The following FMN1 variants were observed in gnomAD, a reference collection of about 807,000 sequenced individuals.
FMN1 encodes formin-1.
Under a neutral mutation model 132.4 loss-of-function variants are expected in FMN1, and 110 were observed. That is an observed-to-expected ratio of 0.83 (90% CI 0.71 to 0.97). The LOEUF is 0.97. Among genes scored for constraint, FMN1 ranks in the 50% least tolerant of loss-of-function variants. The probability of loss-of-function intolerance (pLI) is 0.00; values close to 1 mark genes in which losing one functional copy is unlikely to be tolerated. For synonymous variants in FMN1, 722 were observed against 651.7 expected, an observed-to-expected ratio of 1.11 and a Z score of -1.64; for missense variants, 1,792 against 1,705.3, an observed-to-expected ratio of 1.05 and a Z score of -0.90.
chr15:33,127,007 T>G (rs536371131), intron 4 of FMN1, among the ~76,000 whole-genome samples: 1 of 152,306 alleles, frequency 6.6e-6, no homozygotes, highest in South Asian at 2.1e-4. Flanking sequence ...TGACTACATG[T>G]GGGAGTTTGA....
chr15:32,856,994 G>A, intron 17 of FMN1, 21 bp downstream of exon 17: 1 of 1,551,862 alleles, frequency 6.4e-7, no homozygotes, highest in African/African-American at 1.4e-5. Flanking sequence ...ACGTGTATGT[G>A]CGGCTGACAA....
chr15:33,116,587 T>A (rs182999233), intron 4 of FMN1, among the ~76,000 whole-genome samples: 2,435 of 152,274 alleles, frequency 0.016, 36 homozygotes, highest in Non-Finnish European at 0.025. Flanking sequence ...GTTTTTTTTT[T>A]AATTTTTTAA....
intron 4 of FMN1, among the ~76,000 whole-genome samples, chr15:33,102,547 C>T (rs2039334541): frequency 1.3e-5 from 2 of 152,058 alleles, no homozygotes; most frequent in South Asian, 4.1e-4. Context: ...TCTCTCCCTC[C>T]TTCTCCCTGT....
intron 4 of FMN1, among the ~76,000 whole-genome samples, chr15:33,134,141 G>A (rs796996472): frequency 2.4e-4 from 36 of 152,106 alleles, no homozygotes; most frequent in African/African-American, 7.5e-4. Flanking sequence ...TAGAGATAGG[G>A]TTTTGCCATG....
intron 19 of FMN1, among the ~76,000 whole-genome samples, chr15:32,783,222 A>G (rs1400475845): frequency 6.6e-6 from 1 of 151,972 alleles, no homozygotes; most frequent in Non-Finnish European, 1.5e-5. Context: ...ACAAACAAAC[A>G]TATCAGAGAA....
intron 9 of FMN1, among the ~76,000 whole-genome samples, chr15:32,936,545 C>G (rs1046993571): frequency 6.6e-6 from 1 of 152,080 alleles, no homozygotes; most frequent in African/African-American, 2.4e-5. Context: ...ATAAGCTGTC[C>G]AGCTCCTTTT....
chr15:33,010,153 G>C (rs1596463310), intron 6 of FMN1, among the ~76,000 whole-genome samples: 2 of 152,124 alleles, frequency 1.3e-5, no homozygotes, highest in South Asian at 2.1e-4. Context: ...CAAAGTGCCT[G>C]GCCAACATGA....
intron 9 of FMN1, among the ~76,000 whole-genome samples, chr15:32,942,670 C>T (rs548229230): frequency 6.6e-5 from 10 of 152,302 alleles, no homozygotes; most frequent in Admixed American, 1.3e-4. Flanking sequence ...TATACCAGAT[C>T]GAGTGCATAT....
At chr15:32,952,368 C>T (rs1326880988) in intron 9 of FMN1, among the ~76,000 whole-genome samples, 2 of 151,964 alleles carry the variant, frequency 1.3e-5, no homozygotes, top group African/African-American at 4.8e-5. Flanking sequence ...TATAATGAGC[C>T]CCAGCTCAAG....
rs796608072 is a variant in FMN1, at chr15:33,019,544, C to T, written c.2162-11469G>A. Among the ~76,000 whole-genome samples the T allele has an allele frequency of 9.2e-5, 14 of 152,254 alleles. No individual in the cohort carries two copies. The South Asian group carries it at 1.7e-3, about 18-fold the overall frequency. Reference sequence around the variant, plus strand: ...CCCTGGAGTAGGGGGCGGCGCTTGTCGGGGAGGCTCTGGCAGCGCAGAAGC... The same window carrying T: ...CCCTGGAGTAGGGGGCGGCGCTTGTTGGGGAGGCTCTGGCAGCGCAGAAGC... On this transcript the variant is annotated intron_variant, in intron 6 of 20. Transcript: ENST00000616417.
chr15:32,891,339 C>T (rs775510818), intron 15 of FMN1, among the ~76,000 whole-genome samples: 8 of 152,204 alleles, frequency 5.3e-5, no homozygotes, highest in Non-Finnish European at 7.3e-5. Flanking sequence ...GCTCTACCTC[C>T]CGGGTTCACG....
intron 9 of FMN1, among the ~76,000 whole-genome samples, chr15:32,957,298 CTTTTTT>C (rs869111673): frequency 1.2e-5 from 1 of 84,178 alleles, no homozygotes; most frequent in African/African-American, 4.5e-5. Context: ...CAGAGCAGTT[CTTTTTT>C]TTTTTTTTTT....
At chr15:32,779,555 G>A (rs1247689392) in intron 19 of FMN1, among the ~76,000 whole-genome samples, 1 of 152,116 alleles carries the variant, frequency 6.6e-6, no homozygotes, top group Non-Finnish European at 1.5e-5. Context: ...CTTGTAGGGA[G>A]ATACCAAAAA....
At chr15:33,007,993 A>G (rs1202585402) in intron 7 of FMN1, 21 bp downstream of exon 7, 1 of 1,584,334 alleles carries the variant, frequency 6.3e-7, no homozygotes, top group Admixed American at 1.8e-5. Flanking sequence ...GAACCCGTTC[A>G]GTAGCATCAA....
chr15:33,170,240 T>C (rs1965266196), intron 3 of FMN1, among the ~76,000 whole-genome samples: 1 of 152,090 alleles, frequency 6.6e-6, no homozygotes, highest in African/African-American at 2.4e-5. Context: ...CTAGACTTGC[T>C]ATATCTCTTG....
intron 6 of FMN1, among the ~76,000 whole-genome samples, chr15:33,009,820 T>C (rs7175660): frequency 9.7e-4 from 147 of 152,330 alleles, no homozygotes; most frequent in African/African-American, 3.2e-3. Context: ...CAAATGATAG[T>C]ATGTCCATAT....
chr15:33,123,629 A>T lies in FMN1; in HGVS notation c.1867+29419T>A, dbSNP rs148760483. ...GGTTATATAGTGAGGGTTGTTGATC[A>T]AACAGCTAGCTATTTTATAGAATGC... On this transcript the variant is annotated intron_variant, in intron 4 of 20. Transcript: ENST00000616417. 4.1e-3 allele frequency among the ~76,000 whole-genome samples: 630 copies of T among 152,328 alleles called. 5 individuals carry two copies. Among genetic ancestry groups the T allele is most frequent in the African/African-American group, 0.014 (577 of 41,580 alleles).
chr15:33,140,252 C>T (rs1348396839), intron 4 of FMN1, among the ~76,000 whole-genome samples: 2 of 148,852 alleles, frequency 1.3e-5, no homozygotes, highest in East Asian at 3.9e-4. Context: ...TCCGTTTATC[C>T]CCTTTAATTA....
At chr15:33,090,935 T>C (rs182384507) in intron 4 of FMN1, among the ~76,000 whole-genome samples, 19 of 152,300 alleles carry the variant, frequency 1.2e-4, no homozygotes. Context: ...ACTATTTCTA[T>C]TCACCTTTGG....
Sources: gnomAD v4.1 joint callset for allele counts (sites outside exome capture counted in the v4.1 genomes callset) on GRCh38, gnomAD v4.1.1 for gene constraint, MANE v1.5 for transcripts, NCBI Gene and HGNC (gene_info 2026-07-23, HGNC 2026-07-21) for gene names.